Variants in PLXDC2 observed in about 807,000 individuals in gnomAD.
PLXDC2 encodes the protein plexin domain-containing protein 2.
A neutral mutation model predicts 68.9 loss-of-function variants in PLXDC2; 40 were observed. The observed-to-expected ratio is 0.58, with a 90% CI of 0.45 to 0.76. PLXDC2 has a LOEUF of 0.76. Ranked by LOEUF, PLXDC2 falls within the 30% of genes least tolerant of loss-of-function variation. The pLI is 0.00. For missense variants in PLXDC2, 644 were observed against 661.9 expected, an observed-to-expected ratio of 0.97 and a Z score of 0.30; for synonymous variants, 243 against 234.2, an observed-to-expected ratio of 1.04 and a Z score of -0.34.
chr10:20,116,761 C>A (rs1055193707), intron 4 of PLXDC2, among the ~76,000 whole-genome samples: 3 of 152,038 alleles, frequency 2.0e-5, no homozygotes, highest in African/African-American at 7.2e-5. Context: ...GCAATGACAT[C>A]CCTTCTAAAT....
rs562410398 is a variant in PLXDC2, at chr10:19,962,384, CTTTTTTT to C, written c.113-39373_113-39367del. On this transcript the variant is annotated intron_variant, in intron 1 of 13. Coordinates refer to ENST00000377252, the MANE Select transcript of PLXDC2 (RefSeq NM_032812.9). ...ATGGAGTCTCATGCACCCATCTTTA[CTTTTTTT>C]TTTTTTTTTTTTTTTTTGAGATGGA... Among the ~76,000 whole-genome samples the C allele has an allele frequency of 7.6e-4, 21 of 27,744 alleles. 1 individual carries two copies. Among genetic ancestry groups the C allele is most frequent in the African/African-American group, 8.1e-4 (5 of 6,206 alleles). 18.2% of individuals were successfully genotyped at this position (27,744 alleles called of 152,430 possible). A position where few individuals can be genotyped will look rare whatever the true frequency, so the allele number is the denominator to read the frequency against.
intron 4 of PLXDC2, among the ~76,000 whole-genome samples, chr10:20,131,425 G>A (rs560926168): frequency 6.6e-6 from 1 of 151,978 alleles, no homozygotes; most frequent in Admixed American, 6.5e-5. Context: ...TTGAGACAGA[G>A]TTTCACTCTT....
intron 4 of PLXDC2, among the ~76,000 whole-genome samples, chr10:20,072,422 G>GAA: frequency 1.7e-5 from 2 of 120,360 alleles, no homozygotes; most frequent in Admixed American, 7.8e-5. Flanking sequence ...AGGAAAGAAA[G>GAA]AGAGAAAGAA....
At chr10:20,183,415 G>A (rs1193818818) in intron 9 of PLXDC2, among the ~76,000 whole-genome samples, 2 of 151,878 alleles carry the variant, frequency 1.3e-5, no homozygotes, top group Non-Finnish European at 2.9e-5. Context: ...TTTACATACA[G>A]GTATGTTTGG....
At chr10:19,918,613 G>A (rs932044982) in intron 1 of PLXDC2, among the ~76,000 whole-genome samples, 1 of 152,180 alleles carries the variant, frequency 6.6e-6, no homozygotes, top group African/African-American at 2.4e-5. Flanking sequence ...ATAGAAGCTT[G>A]GTCTGGCCTC....
chr10:19,820,237 AG>A (rs1589482937), intron 1 of PLXDC2, among the ~76,000 whole-genome samples: 2 of 152,248 alleles, frequency 1.3e-5, no homozygotes, highest in East Asian at 3.8e-4. Context: ...AACTCTTGTC[AG>A]GGAGAATGTA....
intron 2 of PLXDC2, among the ~76,000 whole-genome samples, chr10:20,013,368 G>A (rs1835149665): frequency 1.3e-5 from 2 of 151,924 alleles, no homozygotes; most frequent in Admixed American, 1.3e-4. Context: ...ACTCTTTTAG[G>A]TACTTCCAAA....
At position 19,826,447 on chromosome 10, in the gene PLXDC2, A is replaced by G. The variant is rs183005481; in HGVS notation, c.112+9256A>G. Among the ~76,000 whole-genome samples the G allele has an allele frequency of 1.4e-4, 21 of 152,340 alleles. No homozygotes were observed. In the East Asian group the frequency reaches 4.0e-3, roughly 29 times the overall value. ...CTTGGTGCTTGTTTGGAGCAGAAACAGGAGGGTCATTTTAGTTTTTTTGTC... is the reference window on the plus strand; with the variant it reads ...CTTGGTGCTTGTTTGGAGCAGAAACGGGAGGGTCATTTTAGTTTTTTTGTC... On this transcript the variant is annotated intron_variant, in intron 1 of 13. Transcript: ENST00000377252.
chr10:19,973,368 A>C (rs1362146754), intron 1 of PLXDC2, among the ~76,000 whole-genome samples: 2 of 149,870 alleles, frequency 1.3e-5, no homozygotes, highest in Admixed American at 6.7e-5. Flanking sequence ...ATATATGTAT[A>C]CATATATATG....
intron 13 of PLXDC2, among the ~76,000 whole-genome samples, chr10:20,258,794 T>C (rs1835775019): frequency 6.6e-6 from 1 of 151,898 alleles, no homozygotes; most frequent in Admixed American, 6.6e-5. Context: ...AATCACGAGG[T>C]CAGGAGATCG....
chr10:20,266,249 C>A (rs946163564), intron 13 of PLXDC2, among the ~76,000 whole-genome samples: 5 of 151,234 alleles, frequency 3.3e-5, no homozygotes, highest in Non-Finnish European at 5.9e-5. Context: ...AGAAAGAGGA[C>A]CAGGTGGATT....
At chr10:20,226,505 A>G (rs1302458201) in intron 12 of PLXDC2, among the ~76,000 whole-genome samples, 1 of 152,196 alleles carries the variant, frequency 6.6e-6, no homozygotes, top group African/African-American at 2.4e-5. Flanking sequence ...ATTTTTACAA[A>G]ACACTTTTGA....
intron 2 of PLXDC2, among the ~76,000 whole-genome samples, chr10:20,014,851 T>C (rs776877796): frequency 1.5e-4 from 23 of 152,098 alleles, no homozygotes; most frequent in Non-Finnish European, 2.5e-4. Context: ...TATTTTTATC[T>C]TTTCCTTAAG....
chr10:20,139,839 C>T (rs1833977969), intron 4 of PLXDC2, among the ~76,000 whole-genome samples: 1 of 146,348 alleles, frequency 6.8e-6, no homozygotes, highest in South Asian at 2.2e-4. Context: ...GAACATCACA[C>T]ACGGGGGCCG....
intron 4 of PLXDC2, among the ~76,000 whole-genome samples, chr10:20,099,444 AC>A (rs1240286828): frequency 2.0e-5 from 3 of 152,160 alleles, no homozygotes; most frequent in African/African-American, 7.2e-5. Flanking sequence ...AAAATCTTCC[AC>A]CTACCATTTA....
intron 4 of PLXDC2, among the ~76,000 whole-genome samples, chr10:20,077,648 C>T (rs1836474461): frequency 6.6e-6 from 1 of 152,058 alleles, no homozygotes; most frequent in Non-Finnish European, 1.5e-5. Flanking sequence ...TTGTCAATTT[C>T]CACAGCTAAT....
In PLXDC2 at chr10:20,282,876, T is replaced by C. The variant is rs1411202835; in HGVS notation, c.*3057T>C. 1.3e-5 allele frequency: 2 copies of C among 152,246 alleles called. No individual in the cohort carries two copies. The highest frequency in any genetic ancestry group is 2.1e-4 in the South Asian group (1 of 4,838). 9.4% of individuals were successfully genotyped at this position (152,246 alleles called of 1,614,324 possible). A position where few individuals can be genotyped will look rare whatever the true frequency, so the allele number is the denominator to read the frequency against. On this transcript the variant is annotated 3_prime_UTR_variant, in exon 14 of 14. Coordinates refer to ENST00000377252, the MANE Select transcript of PLXDC2 (RefSeq NM_032812.9). The stretch of plus-strand genomic sequence containing the variant: ...ATCAAGGGCATTTGCCAATCTCTTA[T>C]ATGTAGCTTCTAGAGTTGTGCTGTC...
At chr10:20,103,648 CT>C (rs35831990) in intron 4 of PLXDC2, among the ~76,000 whole-genome samples, 50,336 of 139,156 alleles carry the variant, frequency 0.36, 10,881 homozygotes, top group African/African-American at 0.63. Context: ...TTTTTTTTTT[CT>C]TTTTTTTTTT....
intron 1 of PLXDC2, among the ~76,000 whole-genome samples, chr10:19,833,459 T>A (rs866083809): frequency 2.0e-5 from 3 of 152,164 alleles, no homozygotes; most frequent in Non-Finnish European, 4.4e-5. Context: ...TAGGGCCAGA[T>A]CTGGATGTGG....
Sources: allele counts gnomAD v4.1 joint callset (sites outside exome capture counted in the v4.1 genomes callset), GRCh38; gene constraint gnomAD v4.1.1; transcripts MANE v1.5; gene names NCBI Gene and HGNC (gene_info 2026-07-23, HGNC 2026-07-21).